The following MDGA2 variants were observed in gnomAD, a reference collection of about 807,000 sequenced individuals.
MDGA2 encodes the protein MAM domain-containing glycosylphosphatidylinositol anchor protein 2.
MDGA2 carries 40 observed loss-of-function variants against 117.8 expected under a neutral mutation model. The observed-to-expected ratio is 0.34, with a 90% CI of 0.26 to 0.44. MDGA2 has a LOEUF of 0.44. Ranked by LOEUF, MDGA2 falls within the 20% of genes least tolerant of loss-of-function variation. The probability of loss-of-function intolerance (pLI) is 1.00; values close to 1 mark genes in which losing one functional copy is unlikely to be tolerated. For missense variants in MDGA2, 1,123 were observed against 1,250.6 expected (o/e 0.90, Z 1.54); for synonymous variants, 452 against 439.0 (o/e 1.03, Z -0.37).
chr14:47,457,812 G>GTTTTTTTTTTTTTTTTTT (rs34337535), intron 1 of MDGA2, among the ~76,000 whole-genome samples: 2 of 143,670 alleles, frequency 1.4e-5, no homozygotes, highest in Non-Finnish European at 3.0e-5. Flanking sequence ...ATTTTTTTCT[G>GTTTTTTTTTTTTTTTTTT]TTTTTTTTTT....
At chr14:47,642,585 C>T (rs949473111) in intron 1 of MDGA2, among the ~76,000 whole-genome samples, 1 of 152,010 alleles carries the variant, frequency 6.6e-6, no homozygotes, top group African/African-American at 2.4e-5. Context: ...AGCAAACAAA[C>T]TGTGTTCCTA....
intron 1 of MDGA2, among the ~76,000 whole-genome samples, chr14:47,361,186 A>ACT (rs374880544): frequency 0.04 from 5,734 of 141,948 alleles, 144 homozygotes; most frequent in African/African-American, 0.067. Context: ...GTCATGTTGT[A>ACT]CTCTCTCTCT....
intron 8 of MDGA2, among the ~76,000 whole-genome samples, chr14:46,961,308 A>G (rs1002848874): frequency 4.6e-5 from 7 of 151,860 alleles, no homozygotes; most frequent in African/African-American, 1.5e-4. Context: ...TAACACCTCT[A>G]TTTCCTTCTT....
intron 1 of MDGA2, among the ~76,000 whole-genome samples, chr14:47,564,641 G>C (rs1282122669): frequency 1.3e-5 from 2 of 152,170 alleles, no homozygotes; most frequent in Admixed American, 6.5e-5. Context: ...TGGGGACACA[G>C]AGCCAAACCA....
At position 47,175,060 on chromosome 14, in the gene MDGA2, A is replaced by G. The variant is rs572274333; in HGVS notation, c.596-30786T>C. Among the ~76,000 whole-genome samples, 191 of 152,138 alleles carry G rather than the reference A, an allele frequency of 1.3e-3. 1 individual carries two copies. Among genetic ancestry groups the G allele is most frequent in the African/African-American group, 4.4e-3 (183 of 41,426 alleles). On this transcript the variant is annotated intron_variant, in intron 3 of 16. Transcript: ENST00000399232. ...ACTAGAAAATCTAGAAGAAATGGAT[A>G]AATTCCTCGACACATACACCCACCC...
intron 1 of MDGA2, among the ~76,000 whole-genome samples, chr14:47,572,902 G>T (rs1896046821): frequency 6.6e-6 from 1 of 152,070 alleles, no homozygotes. Flanking sequence ...ACCCGACTTT[G>T]ATTAGAATTT....
At chr14:47,218,317 A>G (rs1886175188) in intron 2 of MDGA2, 122 bp from the exon 3 acceptor site, 1 of 831,480 alleles carries the variant, frequency 1.2e-6, no homozygotes, top group Non-Finnish European at 1.8e-6. Flanking sequence ...CCATCAAATT[A>G]TTGAAGAAAA....
intron 6 of MDGA2, among the ~76,000 whole-genome samples, chr14:47,067,328 C>T (rs1168542326): frequency 6.6e-6 from 1 of 152,088 alleles, no homozygotes; most frequent in African/African-American, 2.4e-5. Flanking sequence ...AAACAATGAC[C>T]TAAGAAAATC....
chr14:47,437,802 T>A (rs1033048412), intron 1 of MDGA2, among the ~76,000 whole-genome samples: 2 of 152,150 alleles, frequency 1.3e-5, no homozygotes, highest in African/African-American at 4.8e-5. Flanking sequence ...TCCAGCAATA[T>A]GCAAGCATAT....
At chr14:47,269,529 T>G (rs1408000632) in intron 2 of MDGA2, among the ~76,000 whole-genome samples, 1 of 152,148 alleles carries the variant, frequency 6.6e-6, no homozygotes, top group Non-Finnish European at 1.5e-5. Context: ...GCATTTTTTA[T>G]GAAAATTCCT....
intron 1 of MDGA2, among the ~76,000 whole-genome samples, chr14:47,413,494 C>G (rs1892414285): frequency 6.6e-6 from 1 of 152,036 alleles, no homozygotes; most frequent in Non-Finnish European, 1.5e-5. Flanking sequence ...CAAGAATCCT[C>G]TAAGGGAATA....
chr14:47,271,307 C>T (rs554548906), intron 2 of MDGA2, among the ~76,000 whole-genome samples: 1 of 152,208 alleles, frequency 6.6e-6, no homozygotes, highest in East Asian at 1.9e-4. Context: ...TCCTATTTCC[C>T]CACAACTAAT....
At position 46,883,363 on chromosome 14, in the gene MDGA2, G is replaced by A. The variant is rs115826156; in HGVS notation, c.2239-1142C>T. Among the ~76,000 whole-genome samples, 690 of 152,024 alleles carry A rather than the reference G, an allele frequency of 4.5e-3. 9 individuals carry two copies. Among genetic ancestry groups the A allele is most frequent in the African/African-American group, 0.016 (660 of 41,522 alleles). ...AGAAAAAACATATTTCTACTAGATG[G>A]AGAAAAATTTGGGAAACATCAACTC... is the stretch of plus-strand genomic sequence containing the variant. On this transcript the variant is annotated intron_variant, in intron 10 of 16. Transcript: ENST00000399232.
intron 1 of MDGA2, among the ~76,000 whole-genome samples, chr14:47,399,208 G>A (rs1356109584): frequency 2.6e-5 from 4 of 152,082 alleles, no homozygotes; most frequent in African/African-American, 9.7e-5. Context: ...AAGAAAGAAG[G>A]AAGCATCCAT....
Position 46,981,276 on chromosome 14 carries a change from C to T in MDGA2, c.1820-23633G>A, listed in dbSNP as rs146157537. Among the ~76,000 whole-genome samples the T allele has an allele frequency of 4.5e-3, 676 of 151,836 alleles. 7 individuals are homozygous for T. The highest frequency in any genetic ancestry group is 0.015 in the African/African-American group (618 of 41,374). ...AAAACTAGCTGGCTGTGGTGGTATGCGCCTGTAATCCCAGCTACTCAGGAG... is the reference window on the plus strand; with the variant it reads ...AAAACTAGCTGGCTGTGGTGGTATGTGCCTGTAATCCCAGCTACTCAGGAG... On this transcript the variant is annotated intron_variant, in intron 8 of 16. Transcript: ENST00000399232.
At chr14:47,303,004 TAA>T (rs1316365630) in intron 1 of MDGA2, among the ~76,000 whole-genome samples, 1 of 152,036 alleles carries the variant, frequency 6.6e-6, no homozygotes, top group Non-Finnish European at 1.5e-5. Context: ...AAATGATGGG[TAA>T]AAGTTTCCAA....
intron 1 of MDGA2, among the ~76,000 whole-genome samples, chr14:47,550,064 T>G (rs965979011): frequency 2.0e-5 from 3 of 152,204 alleles, no homozygotes; most frequent in Non-Finnish European, 2.9e-5. Flanking sequence ...AAAAACTTCC[T>G]GCTGGGTATT....
chr14:47,257,916 A>G (rs903987848), intron 2 of MDGA2, among the ~76,000 whole-genome samples: 4 of 152,030 alleles, frequency 2.6e-5, no homozygotes, highest in African/African-American at 9.7e-5. Context: ...ATCTAATATT[A>G]TTTTCCTAAG....
At position 46,863,566 on chromosome 14, in the gene MDGA2, A is replaced by G. The variant is rs913681892; in HGVS notation, c.2753-8412T>C. Reference sequence around the variant, plus strand: ...TTTGGTACACTGGATGAGAAACAGAAGCAGTTAACTCAATTGCTTACCATC... The same window carrying G: ...TTTGGTACACTGGATGAGAAACAGAGGCAGTTAACTCAATTGCTTACCATC... On this transcript the variant is annotated intron_variant, in intron 14 of 16. Transcript: ENST00000399232. Among the ~76,000 whole-genome samples the G allele has an allele frequency of 4.6e-5, 7 of 152,180 alleles. 1 individual carries two copies. Among genetic ancestry groups the G allele is most frequent in the African/African-American group, 1.7e-4 (7 of 41,456 alleles).
Sources: gnomAD v4.1 joint callset for allele counts (sites outside exome capture counted in the v4.1 genomes callset) on GRCh38, gnomAD v4.1.1 for gene constraint, MANE v1.5 for transcripts, NCBI Gene and HGNC (gene_info 2026-07-23, HGNC 2026-07-21) for gene names.